The following PTPRD variants were observed in gnomAD, a reference collection of about 807,000 sequenced individuals.
PTPRD encodes the protein receptor-type tyrosine-protein phosphatase delta.
Under a neutral mutation model 214.5 loss-of-function variants are expected in PTPRD, and 34 were observed. The ratio of observed to expected loss-of-function variants is 0.16; its 90% confidence interval spans 0.12 to 0.21. PTPRD has a LOEUF of 0.21. PTPRD is among the 10% of genes least tolerant of loss of function. The pLI, the probability that PTPRD is intolerant of heterozygous loss-of-function variation, is 1.00. For synonymous variants in PTPRD, 1,128 were observed against 845.7 expected (o/e 1.33, Z -5.79); for missense variants, 2,545 against 2,398.7 (o/e 1.06, Z -1.27).
At chr9:9,192,748 A>C (rs1188121810) in intron 9 of PTPRD, among the ~76,000 whole-genome samples, 2 of 152,122 alleles carry the variant, frequency 1.3e-5, no homozygotes, top group Non-Finnish European at 2.9e-5. Flanking sequence ...GGCTAGATAC[A>C]GATTTGGGAA....
At chr9:9,618,559 G>T (rs569309356) in intron 7 of PTPRD, among the ~76,000 whole-genome samples, 25 of 152,188 alleles carry the variant, frequency 1.6e-4, no homozygotes, top group South Asian at 1.5e-3. Flanking sequence ...ATGTGGAAAG[G>T]GTGGGAAGAA....
intron 2 of PTPRD, among the ~76,000 whole-genome samples, chr9:10,466,531 G>A (rs2098994780): frequency 6.7e-6 from 1 of 148,266 alleles, no homozygotes; most frequent in Non-Finnish European, 1.5e-5. Context: ...GCTGAGGCAG[G>A]AGAATCACTT....
chr9:9,686,483 G>A (rs1261829344), intron 7 of PTPRD, among the ~76,000 whole-genome samples: 2 of 151,142 alleles, frequency 1.3e-5, no homozygotes, highest in Non-Finnish European at 3.0e-5. Context: ...ATAATTTATA[G>A]ATCATTATTC....
intron 7 of PTPRD, among the ~76,000 whole-genome samples, chr9:9,734,316 G>A (rs184961616): frequency 6.6e-6 from 1 of 152,092 alleles, no homozygotes; most frequent in Non-Finnish European, 1.5e-5. Context: ...AACCCATGAA[G>A]TTGAATCTCC....
intron 3 of PTPRD, among the ~76,000 whole-genome samples, chr9:10,162,839 A>AT (rs1052494264): frequency 6.7e-6 from 1 of 149,876 alleles, no homozygotes; most frequent in South Asian, 2.1e-4. Context: ...ACACACAAAC[A>AT]TTTTTTGGTT....
chr9:9,200,738 G>C (rs775495113), intron 9 of PTPRD, among the ~76,000 whole-genome samples: 2 of 152,306 alleles, frequency 1.3e-5, no homozygotes, highest in African/African-American at 2.4e-5. Flanking sequence ...AAATACCCTG[G>C]ATAATCAACA....
At chr9:9,379,437 T>C (rs973753303) in intron 9 of PTPRD, among the ~76,000 whole-genome samples, 1 of 151,824 alleles carries the variant, frequency 6.6e-6, no homozygotes. Context: ...TCGATTACTG[T>C]AGCTTTGTAT....
At chr9:9,619,559 CTAATA>C (rs1287691916) in intron 7 of PTPRD, among the ~76,000 whole-genome samples, 7 of 144,378 alleles carry the variant, frequency 4.8e-5, no homozygotes, top group Non-Finnish European at 9.0e-5. Context: ...CATATATTAT[CTAATA>C]TGTCTAGATT....
chr9:8,340,518 G>T (rs375352369), intron 41 of PTPRD, 49 bp from the exon 42 acceptor site: 19 of 1,480,322 alleles, frequency 1.3e-5, no homozygotes, highest in Non-Finnish European at 1.6e-5. Context: ...TAGAGAACAT[G>T]CAAAAGCTCA....
chr9:9,032,602 T>C (rs2099609159), intron 10 of PTPRD, among the ~76,000 whole-genome samples: 1 of 104,614 alleles, frequency 9.6e-6, no homozygotes, highest in South Asian at 4.2e-4. Flanking sequence ...TAAATAGAGG[T>C]GAGAAATTGG....
intron 4 of PTPRD, among the ~76,000 whole-genome samples, chr9:10,017,352 T>G (rs1567116401): frequency 1.3e-5 from 2 of 152,268 alleles, no homozygotes; most frequent in East Asian, 3.9e-4. Flanking sequence ...AAGTTATATG[T>G]GTTGCATATA....
At position 8,733,849 on chromosome 9, in the gene PTPRD, A is replaced by G. The variant is rs2098688210; in HGVS notation, c.-6T>C. 2 of 1,550,766 alleles carry G rather than the reference A, an allele frequency of 1.3e-6. No individual in the cohort carries two copies. The highest frequency in any genetic ancestry group is 3.9e-5 in the Admixed American group (2 of 51,012). On this transcript the variant is annotated 5_prime_UTR_variant, in exon 12 of 46. Transcript: ENST00000381196. ...AGCCTGGCTACGTGCACCATCCTGCAGCTTGGCAGCAGCGTGCGCGAGCAG... is the reference window on the plus strand; with the variant it reads ...AGCCTGGCTACGTGCACCATCCTGCGGCTTGGCAGCAGCGTGCGCGAGCAG...
intron 7 of PTPRD, among the ~76,000 whole-genome samples, chr9:9,711,169 T>C (rs1230467146): frequency 2.0e-5 from 3 of 152,218 alleles, no homozygotes; most frequent in Non-Finnish European, 4.4e-5. Flanking sequence ...GTATAGCTCA[T>C]ATTTATTTTA....
intron 4 of PTPRD, among the ~76,000 whole-genome samples, chr9:10,028,982 C>T (rs1036802184): frequency 6.6e-6 from 1 of 152,070 alleles, no homozygotes; most frequent in Non-Finnish European, 1.5e-5. Context: ...GGTCCCTGGG[C>T]TGTGTGCCGC....
At chr9:8,388,702 C>T (rs1341975458) in intron 37 of PTPRD, among the ~76,000 whole-genome samples, 1 of 152,172 alleles carries the variant, frequency 6.6e-6, no homozygotes, top group Non-Finnish European at 1.5e-5. Flanking sequence ...AAAACGCCCT[C>T]TATGCATTTA....
chr9:9,517,382 A>T (rs906286359), intron 8 of PTPRD, among the ~76,000 whole-genome samples: 4 of 152,116 alleles, frequency 2.6e-5, no homozygotes, highest in African/African-American at 9.6e-5. Flanking sequence ...AAGATGAGGT[A>T]ATGTGACATA....
At chr9:10,495,509 T>C (rs2041793633) in intron 2 of PTPRD, among the ~76,000 whole-genome samples, 1 of 151,908 alleles carries the variant, frequency 6.6e-6, no homozygotes, top group Non-Finnish European at 1.5e-5. Flanking sequence ...AGAATTATCC[T>C]CTCTGATAAT....
intron 5 of PTPRD, among the ~76,000 whole-genome samples, chr9:9,839,953 A>G (rs1300752492): frequency 6.6e-6 from 1 of 152,130 alleles, no homozygotes; most frequent in Non-Finnish European, 1.5e-5. Flanking sequence ...GTATATATAA[A>G]TAGTACTAAA....
chr9:10,550,685 G>A (rs939921770), intron 2 of PTPRD, among the ~76,000 whole-genome samples: 3 of 152,160 alleles, frequency 2.0e-5, no homozygotes, highest in South Asian at 2.1e-4. Context: ...GTGTTTTAGA[G>A]AAAGCCTAAG....
Sources: gnomAD v4.1 joint callset for allele counts (sites outside exome capture counted in the v4.1 genomes callset) on GRCh38, gnomAD v4.1.1 for gene constraint, MANE v1.5 for transcripts, NCBI Gene and HGNC (gene_info 2026-07-23, HGNC 2026-07-21) for gene names.